The following SDK1 variants were observed in gnomAD, a reference collection of about 807,000 sequenced individuals.
The protein encoded by SDK1 is protein sidekick-1.
Under a neutral mutation model 245.5 loss-of-function variants are expected in SDK1, and 157 were observed. The observed-to-expected ratio is 0.64, with a 90% CI of 0.56 to 0.73. The LOEUF is 0.73. Among genes scored for constraint, SDK1 ranks in the 30% least tolerant of loss-of-function variants. The pLI, the probability that SDK1 is intolerant of heterozygous loss-of-function variation, is 0.00. For synonymous variants in SDK1, 1,647 were observed against 1,278.5 expected, an observed-to-expected ratio of 1.29 and a Z score of -6.15; for missense variants, 3,583 against 3,002.3, an observed-to-expected ratio of 1.19 and a Z score of -4.52.
At chr7:3,370,403 C>T (rs1033924379) in intron 1 of SDK1, among the ~76,000 whole-genome samples, 15 of 152,184 alleles carry the variant, frequency 9.9e-5, no homozygotes, top group Non-Finnish European at 2.2e-4. Flanking sequence ...ATCTTGACTT[C>T]ACAGTGGTGT....
intron 4 of SDK1, among the ~76,000 whole-genome samples, chr7:3,707,666 A>G (rs1454336012): frequency 6.6e-6 from 1 of 152,080 alleles, no homozygotes; most frequent in Non-Finnish European, 1.5e-5. Flanking sequence ...CCCCCCTATT[A>G]TCGTGTTTCT....
chr7:3,723,857 T>TACACGTGTATATACACGTACATATACAC lies in SDK1; in HGVS notation c.713+81753_713+81754insCACGTGTATATACACGTACATATACACA, dbSNP rs1562397456. Among the ~76,000 whole-genome samples the TACACGTGTATATACACGTACATATACAC allele has an allele frequency of 2.2e-4, 28 of 128,642 alleles. 2 individuals are homozygous for TACACGTGTATATACACGTACATATACAC. Among genetic ancestry groups the TACACGTGTATATACACGTACATATACAC allele is most frequent in the Non-Finnish European group, 3.6e-4 (22 of 60,672 alleles). The allele number at this position is 128,642 out of a possible 152,430, so 84.4% of individuals were successfully genotyped here. On this transcript the variant is annotated intron_variant, in intron 4 of 44. Coordinates refer to ENST00000404826, the MANE Select transcript of SDK1 (RefSeq NM_152744.4). ...ACGTGTATATACACGTACATATACA[T>TACACGTGTATATACACGTACATATACAC]ATACACGTGTATATACACGTACATA...
chr7:3,419,457 G>T (rs961673036), intron 1 of SDK1, among the ~76,000 whole-genome samples: 2 of 152,128 alleles, frequency 1.3e-5, no homozygotes, highest in Non-Finnish European at 2.9e-5. Flanking sequence ...GAGTGTCTCG[G>T]GGAAACATCA....
chr7:4,194,308 G>GTATACATA (rs1783424969), intron 35 of SDK1, among the ~76,000 whole-genome samples: 1 of 98,860 alleles, frequency 1.0e-5, no homozygotes, highest in East Asian at 2.6e-4. Flanking sequence ...GTGTATACAT[G>GTATACATA]TATACATATA....
Position 3,610,792 on chromosome 7 carries a change from G to C in SDK1, c.299-8288G>C, listed in dbSNP as rs148043748. On this transcript the variant is annotated intron_variant, in intron 1 of 44. Coordinates refer to ENST00000404826, the MANE Select transcript of SDK1 (RefSeq NM_152744.4). ...AATCAGTTTGACTTCCCCACTGGCT[G>C]ACTGCATAGGCAAACTATTCACAGT... Among the ~76,000 whole-genome samples, 153 of 152,332 alleles carry C rather than the reference G, an allele frequency of 1.0e-3. 1 individual carries two copies. The highest frequency in any genetic ancestry group is 8.1e-3 in the Admixed American group (124 of 15,302).
At chr7:4,147,599 T>C (rs1260138501) in intron 29 of SDK1, among the ~76,000 whole-genome samples, 1 of 152,116 alleles carries the variant, frequency 6.6e-6, no homozygotes, top group Non-Finnish European at 1.5e-5. Flanking sequence ...GCACATCCCC[T>C]CTGTGACCAT....
intron 5 of SDK1, among the ~76,000 whole-genome samples, chr7:3,900,237 T>C (rs1458901438): frequency 6.6e-6 from 1 of 152,216 alleles, no homozygotes; most frequent in Non-Finnish European, 1.5e-5. Context: ...ATTTTTAAAA[T>C]TTACATAAAT....
intron 5 of SDK1, among the ~76,000 whole-genome samples, chr7:3,855,874 A>G (rs539045733): frequency 1.3e-5 from 2 of 152,232 alleles, no homozygotes; most frequent in African/African-American, 2.4e-5. Context: ...AGTGAAGACT[A>G]TAAGACTTTT....
chr7:3,467,261 T>C (rs1415743164), intron 1 of SDK1, among the ~76,000 whole-genome samples: 1 of 152,026 alleles, frequency 6.6e-6, no homozygotes, highest in Non-Finnish European at 1.5e-5. Flanking sequence ...ACAGTGAAAT[T>C]TGCACATTGA....
intron 1 of SDK1, among the ~76,000 whole-genome samples, chr7:3,580,035 A>T (rs1485807865): frequency 6.6e-6 from 1 of 152,196 alleles, no homozygotes; most frequent in African/African-American, 2.4e-5. Context: ...ATGCAATCCC[A>T]TTCTCAATAG....
intron 4 of SDK1, among the ~76,000 whole-genome samples, chr7:3,675,984 T>C (rs1783880400): frequency 6.6e-6 from 1 of 152,228 alleles, no homozygotes. Flanking sequence ...TCTCCCATTC[T>C]GTAGGTTGTC....
At chr7:4,034,448 C>T (rs1268334593) in intron 17 of SDK1, among the ~76,000 whole-genome samples, 5 of 152,142 alleles carry the variant, frequency 3.3e-5, no homozygotes, top group Non-Finnish European at 5.9e-5. Flanking sequence ...GGTGATGGGC[C>T]TCATGTTAGC....
At chr7:3,414,230 G>C (rs1779296391) in intron 1 of SDK1, among the ~76,000 whole-genome samples, 2 of 152,126 alleles carry the variant, frequency 1.3e-5, no homozygotes, top group South Asian at 4.1e-4. Flanking sequence ...AGACAAGGTT[G>C]GGGTGCGGAG....
chr7:4,060,009 A>G (rs1334900623), intron 19 of SDK1, among the ~76,000 whole-genome samples: 3 of 150,874 alleles, frequency 2.0e-5, no homozygotes, highest in Non-Finnish European at 4.4e-5. Context: ...CCTCCTCAGT[A>G]GCTGGGATTA....
At chr7:3,434,805 T>TGG (rs142989593) in intron 1 of SDK1, among the ~76,000 whole-genome samples, 2 of 151,368 alleles carry the variant, frequency 1.3e-5, no homozygotes, top group African/African-American at 2.4e-5. Context: ...GATAGAATCA[T>TGG]GGGGGGGGAC....
At chr7:3,669,348 A>T (rs181039032) in intron 4 of SDK1, among the ~76,000 whole-genome samples, 1 of 152,266 alleles carries the variant, frequency 6.6e-6, no homozygotes, top group East Asian at 1.9e-4. Context: ...TATATTTGGA[A>T]CATGTTCAGG....
At chr7:4,139,679 GTGTGTGTGTGTA>G (rs1779419175) in intron 28 of SDK1, among the ~76,000 whole-genome samples, 5 of 25,906 alleles carry the variant, frequency 1.9e-4, no homozygotes, top group South Asian at 1.1e-3. Flanking sequence ...GTGTGTATAT[GTGTGTGTGTGTA>G]TGTGTGTGTG....
intron 40 of SDK1, among the ~76,000 whole-genome samples, chr7:4,224,109 C>A (rs1037493165): frequency 6.6e-6 from 1 of 152,220 alleles, no homozygotes; most frequent in African/African-American, 2.4e-5. Context: ...TACCTGGAGA[C>A]ACGAGTTCCC....
intron 1 of SDK1, among the ~76,000 whole-genome samples, chr7:3,403,840 T>TATATATATATATATATATA (rs1778962870): frequency 6.2e-5 from 4 of 64,380 alleles, no homozygotes; most frequent in African/African-American, 6.0e-4. Flanking sequence ...TATATATATA[T>TATATATATATATATATATA]ATATATATAT....
Sources: allele counts gnomAD v4.1 joint callset (sites outside exome capture counted in the v4.1 genomes callset), GRCh38; gene constraint gnomAD v4.1.1; transcripts MANE v1.5; gene names NCBI Gene and HGNC (gene_info 2026-07-23, HGNC 2026-07-21).